NOL6: variants seen among roughly 807,000 people sequenced by gnomAD.
NOL6 encodes the protein nucleolar RNA-associated protein.
NOL6 carries 33 observed loss-of-function variants against 131.7 expected under a neutral mutation model. The ratio of observed to expected loss-of-function variants is 0.25; its 90% CI spans 0.19 to 0.33. The LOEUF (loss-of-function observed/expected upper bound fraction) is 0.33. NOL6 is among the 10% of genes least tolerant of loss of function. The probability of loss-of-function intolerance (pLI) is 1.00; values close to 1 mark genes in which losing one functional copy is unlikely to be tolerated. For synonymous variants in NOL6, 580 were observed against 605.7 expected (o/e 0.96, Z 0.62); for missense variants, 1,297 against 1,494.5 (o/e 0.87, Z 2.18).
At position 33,467,245 on chromosome 9, in the gene NOL6, C is replaced by G. The variant is rs761748919; in HGVS notation, c.1743G>C (p.Gln581His). ...GAAGCTCCGAGCGGGATCCCCAGAA[C>G]TGGCGGAATTTAGCAGCCTGAGGAG... ...ADQPEAAKFR[Q>H]FWGSRSELRR... The change falls in exon 14 of 26, where the codon CAG becomes CAC. Residue 581 changes from glutamine (Q) to histidine (H), a missense_variant. Gln to His is a conservative substitution (Grantham distance 24). Transcript: ENST00000297990. This position sits in a 1 kb window ranked among gnomAD's most constrained non-coding sequence, Gnocchi z 4.4. The G allele has an allele frequency of 6.2e-7, 1 of 1,614,172 alleles. No homozygotes were observed. Among genetic ancestry groups the G allele is most frequent in the Non-Finnish European group, 8.5e-7 (1 of 1,180,004 alleles).
At chr9:33,471,894 G>A (rs1473702830) in intron 3 of NOL6, 110 bp downstream of exon 3, 2 of 791,776 alleles carry the variant, frequency 2.5e-6, no homozygotes, top group Non-Finnish European at 2.2e-6. Context: ...CTGTGAGAAT[G>A]AGCTCCCTGC....
At position 33,468,131 on chromosome 9, in the gene NOL6, T is replaced by A. The variant is rs923486127; in HGVS notation, c.1323A>T (p.Ala441=). 6.2e-7 allele frequency: 1 copy of A among 1,614,048 alleles called. No homozygotes were observed. The highest frequency in any genetic ancestry group is 1.3e-5 in the African/African-American group (1 of 74,940). The change falls in exon 11 of 26, where the codon GCA becomes GCT. Residue 441 remains alanine (A), a synonymous_variant. Transcript: ENST00000297990. ...ASTYHQVQHE[A]RLSMMLLDSR... ...TGTCCAGCAACATCATAGACAGCCG[T>A]GCCTCATGCTGTACCTGGAGCCACA...
rs201694000 is a variant in NOL6, at chr9:33,463,376, C to T, written c.3060G>A (p.Pro1020=). 13 of 1,614,074 alleles carry T rather than the reference C, an allele frequency of 8.1e-6. No homozygotes were observed. Among genetic ancestry groups the T allele is most frequent in the Middle Eastern group, 1.6e-4 (1 of 6,062 alleles). ...VLIRLSPRHI[P]RHRQAVDSPA... is the part of the protein sequence containing the mutation. Reference sequence around the variant, plus strand: ...GCGAGTCCACAGCCTGGCGGTGCCGCGGGATATGGCGAGGAGACAGGCGAA... The same window carrying T: ...GCGAGTCCACAGCCTGGCGGTGCCGTGGGATATGGCGAGGAGACAGGCGAA... The change falls in exon 24 of 26, where the codon CCG becomes CCA. Residue 1020 remains proline, a synonymous_variant. Coordinates refer to ENST00000297990, the MANE Select transcript of NOL6 (RefSeq NM_022917.5).
Position 33,468,053 on chromosome 9 carries a change from G to A in NOL6, c.1401C>T (p.Ile467=). 3.7e-6 allele frequency: 6 copies of A among 1,614,134 alleles called. No homozygotes were observed. In the South Asian group the frequency reaches 6.6e-5, roughly 18 times the overall value. Residue 467 remains isoleucine, a synonymous_variant, in exon 11 of 26, where the codon ATC becomes ATT. Transcript: ENST00000297990. Reference sequence around the variant, plus strand: ...ACTGCAGGACATGGTCAAAAGCCCGGATCATGGGTTTGGGAGTCATCAACA... The same window carrying A: ...ACTGCAGGACATGGTCAAAAGCCCGAATCATGGGTTTGGGAGTCATCAACA... The part of the protein sequence containing the change: ...HLLLMTPKPM[I]RAFDHVLHLR...
At chr9:33,471,081 T>C (rs1042132307) in intron 3 of NOL6, among the ~76,000 whole-genome samples, 1 of 152,192 alleles carries the variant, frequency 6.6e-6, no homozygotes, top group Non-Finnish European at 1.5e-5. Context: ...AAAACTAACC[T>C]GGCCAACATG....
chr9:33,470,037 A>G lies in NOL6; in HGVS notation c.533T>C (p.Val178Ala), dbSNP rs1177859006. 6.2e-7 allele frequency: 1 copy of G among 1,607,736 alleles called. No homozygotes were observed. Among genetic ancestry groups the G allele is most frequent in the Non-Finnish European group, 8.5e-7 (1 of 1,175,800 alleles). Reference sequence around the variant, plus strand: ...CCTGGGCATGGTCAGTGCCACATCCACATTGATGTCTGGTCGGATGCAGGT... The same window carrying G: ...CCTGGGCATGGTCAGTGCCACATCCGCATTGATGTCTGGTCGGATGCAGGT... Reference protein sequence around the residue: ...LGTCIRPDINVDVALTMPREI... With the variant: ...LGTCIRPDINADVALTMPREI... The change falls in exon 4 of 26, where the codon GTG becomes GCG. Residue 178 changes from valine to alanine, a missense_variant. Physicochemically the swap from Val to Ala is moderately conservative, Grantham distance 64. Transcript: ENST00000297990.
rs1343070797 is a variant in NOL6 at position 33,466,709 on chromosome 9, T to C, written c.1951A>G (p.Thr651Ala). The change falls in exon 16 of 26, where the codon ACC becomes GCC. Residue 651 changes from threonine to alanine, a missense_variant and splice_region_variant. Thr to Ala is a moderately conservative substitution (Grantham distance 58). Coordinates refer to ENST00000297990, the MANE Select transcript of NOL6 (RefSeq NM_022917.5). ...LDALIQGLKE[T>A]SSTGEEALVA... is the part of the protein sequence containing the mutation. ...AGGGCCTCCTCACCTGTGCTGGAGG[T>C]CTGAGAGGGAGAAGACGGTCAGGAG... 6.2e-7 allele frequency: 1 copy of C among 1,613,178 alleles called. No homozygotes were observed. The highest frequency in any genetic ancestry group is 1.3e-5 in the African/African-American group (1 of 74,790).
Position 33,465,736 on chromosome 9 carries a change from G to A in NOL6, c.2526C>T (p.His842=), listed in dbSNP as rs749219176. 23 of 1,611,972 alleles carry A rather than the reference G, an allele frequency of 1.4e-5. No homozygotes were observed. The highest frequency in any genetic ancestry group is 6.7e-5 in the Admixed American group (4 of 59,686). ...AGAAGCTGTGTCAGTGGCCTTACCC[G>A]TGCAGGGCACTGGTGAGCAGTGGCA... ...RQLPLLTSAL[H]GLQQQHPAFS... The change falls in exon 19 of 26, where the codon CAC becomes CAT. Residue 842 remains histidine (H), a splice_region_variant and synonymous_variant. Coordinates refer to ENST00000297990, the MANE Select transcript of NOL6 (RefSeq NM_022917.5).
intron 5 of NOL6, 48 bp from the exon 6 acceptor site, chr9:33,469,389 A>T (rs755323698): frequency 3.1e-6 from 5 of 1,612,426 alleles, no homozygotes; most frequent in Non-Finnish European, 3.4e-6. Context: ...CCTTGGAGCC[A>T]GAGGGCTCCC....
chr9:33,461,902 C>T lies in NOL6; in HGVS notation c.*762G>A, dbSNP rs1827103336. On this transcript the variant is annotated 3_prime_UTR_variant, in exon 26 of 26. Coordinates refer to ENST00000297990, the MANE Select transcript of NOL6 (RefSeq NM_022917.5). Reference sequence around the variant, plus strand: ...AGTCTCCCCCATCTCTGCAACCCCACTGCAGGTACATAGTAGTGGCAGTTT... The same window carrying T: ...AGTCTCCCCCATCTCTGCAACCCCATTGCAGGTACATAGTAGTGGCAGTTT... 2.2e-6 allele frequency: 1 copy of T among 464,280 alleles called. No homozygotes were observed. The highest frequency in any genetic ancestry group is 3.9e-6 in the Non-Finnish European group (1 of 254,794). The allele number at this position is 464,280 out of a possible 1,614,324, so 28.8% of individuals were successfully genotyped here.
At chr9:33,469,807 G>C (rs752080803) in intron 4 of NOL6, 140 bp from the exon 5 acceptor site, 2 of 1,123,216 alleles carry the variant, frequency 1.8e-6, no homozygotes, top group Non-Finnish European at 2.5e-6. Flanking sequence ...ACTAGGCCCA[G>C]TTCTCATATC....
intron 1 of NOL6, 90 bp downstream of exon 1, chr9:33,473,699 A>G (rs1414889679): frequency 2.0e-6 from 3 of 1,482,772 alleles, no homozygotes; most frequent in South Asian, 1.2e-5. Flanking sequence ...CATGGCTTTC[A>G]CCCGCAAGCT....
chr9:33,472,309 A>G lies in NOL6; in HGVS notation c.158T>C (p.Val53Ala), dbSNP rs116606598. The G allele has an allele frequency of 9.1e-5, 147 of 1,614,196 alleles. No individual in the cohort carries two copies. In the Middle Eastern group the frequency reaches 4.1e-3, roughly 45 times the overall value. ...EPPAKGLLQP[V>A]KLSRAELYKE... ...GTACAGTTCTGCCCTGCTGAGCTTC[A>G]CTGGCTGCAGGAGGCCCTTCGCTGG... The change falls in exon 2 of 26, where the codon GTG becomes GCG. Residue 53 changes from valine (V) to alanine (A), a missense_variant. Transcript: ENST00000297990.
At position 33,468,303 on chromosome 9, in the gene NOL6, T is replaced by C. The variant is rs367568250; in HGVS notation, c.1308+18A>G. On this transcript the variant is annotated intron_variant, in intron 10 of 25. Coordinates refer to ENST00000297990, the MANE Select transcript of NOL6 (RefSeq NM_022917.5). ...GGCTGAGACATCAGGGGAACACAGA[T>C]TGGGGGCCCATTGGTACCTGGTGGT... 1.4e-5 allele frequency: 23 copies of C among 1,612,416 alleles called. No individual in the cohort carries two copies. The highest frequency in any genetic ancestry group is 2.2e-5 in the East Asian group (1 of 44,862).
Position 33,469,234 on chromosome 9 carries a change from A to G in NOL6, c.835T>C (p.Tyr279His), listed in dbSNP as rs960137709. ...PTKNNVRSAWYRGQSPAGDGS... is the reference protein window; with the variant it reads ...PTKNNVRSAWHRGQSPAGDGS... ...TCCCCTGCAGGACTCTGCCCTCGGT[A>G]CCAGGCAGAGCGCACATTGTTCTTG... The change falls in exon 6 of 26, where the codon TAC becomes CAC. Residue 279 changes from tyrosine (Y) to histidine (H), a missense_variant. Tyr to His is a moderately conservative substitution (Grantham distance 83, BLOSUM62 2). Transcript: ENST00000297990. 1.2e-6 allele frequency: 2 copies of G among 1,614,080 alleles called. No individual in the cohort carries two copies. The highest frequency in any genetic ancestry group is 2.7e-5 in the African/African-American group (2 of 74,930).
chr9:33,471,893 T>C (rs1237656662), intron 3 of NOL6, 111 bp downstream of exon 3: 3 of 788,492 alleles, frequency 3.8e-6, no homozygotes, highest in African/African-American at 3.4e-5. Context: ...GCTGTGAGAA[T>C]GAGCTCCCTG....
rs1006710362 is a variant in NOL6, at chr9:33,462,101, C to G, written c.*563G>C. 1.4e-6 allele frequency: 1 copy of G among 716,734 alleles called. No individual in the cohort carries two copies. Among genetic ancestry groups the G allele is most frequent in the Non-Finnish European group, 2.6e-6 (1 of 384,554 alleles). The allele number at this position is 716,734 out of a possible 1,614,324, so 44.4% of individuals were successfully genotyped here. The stretch of plus-strand genomic sequence containing the variant: ...TCCACCCTGGGAAGTGGCATCAACA[C>G]AGGAGGGCATTGTGCTCCTTCAATG... On this transcript the variant is annotated 3_prime_UTR_variant, in exon 26 of 26. Transcript: ENST00000297990.
rs755732643 is a variant in NOL6, at chr9:33,463,879, G to A, written c.2946C>T (p.Pro982=). 4.4e-5 allele frequency: 71 copies of A among 1,613,982 alleles called. No individual in the cohort carries two copies. In the Admixed American group the frequency reaches 8.8e-4, roughly 20 times the overall value. ...GATCCATGAGCTGCTTCTCTAACAT[G>A]GGCAGGGCTTCAGCTGCCAGGACCA... The part of the protein sequence containing the change: ...QLVVLAAEAL[P]MLEKQLMDPR... The change falls in exon 23 of 26, where the codon CCC becomes CCT. Residue 982 remains proline, a synonymous_variant. Coordinates refer to ENST00000297990, the MANE Select transcript of NOL6 (RefSeq NM_022917.5).
chr9:33,466,058 G>A lies in NOL6; in HGVS notation c.2364+13C>T. ...CCCTTCCCTGGGGACATATCTGCCT[G>A]CACCAGCCTAACCTTAAGGACATCC... is the stretch of plus-strand genomic sequence containing the variant. On this transcript the variant is annotated intron_variant, in intron 18 of 25. Coordinates refer to ENST00000297990, the MANE Select transcript of NOL6 (RefSeq NM_022917.5). The A allele has an allele frequency of 1.3e-6, 2 of 1,571,370 alleles. No individual in the cohort carries two copies. Among genetic ancestry groups the A allele is most frequent in the Non-Finnish European group, 1.7e-6 (2 of 1,154,310 alleles).
Sources: allele counts gnomAD v4.1 joint callset (sites outside exome capture counted in the v4.1 genomes callset), GRCh38; gene constraint gnomAD v4.1.1; non-coding constraint Gnocchi (gnomAD v3.1); transcripts MANE v1.5; gene names NCBI Gene and HGNC (gene_info 2026-07-23, HGNC 2026-07-21).